Variants in PATL2 observed in about 807,000 individuals in gnomAD.
The protein encoded by PATL2 is PAT1 homolog 2, also known as protein PAT1 homolog 2.
A neutral mutation model predicts 77.0 loss-of-function variants in PATL2; 73 were observed. That is an observed-to-expected ratio of 0.95 (90% CI 0.78 to 1.15). The LOEUF (loss-of-function observed/expected upper bound fraction) is 1.15, where lower values mean the gene tolerates loss of function less well. Among genes scored for constraint, PATL2 ranks in the 50% most tolerant of loss-of-function variants. The pLI, the probability that PATL2 is intolerant of heterozygous loss-of-function variation, is 0.00. For missense variants in PATL2, 618 were observed against 655.4 expected (o/e 0.94, Z 0.62); for synonymous variants, 265 against 257.1 (o/e 1.03, Z -0.29).
At chr15:44,681,846 A>G (rs990324858) in intron 3 of PATL2, among the ~76,000 whole-genome samples, 1 of 152,202 alleles carries the variant, frequency 6.6e-6, no homozygotes. Flanking sequence ...GCCCCTTTAC[A>G]ATCTGGCCCT....
chr15:44,711,332 C>G (rs1023740103), upstream of PATL2: 19 of 644,296 alleles, frequency 2.9e-5, no homozygotes, highest in Non-Finnish European at 5.3e-5. Flanking sequence ...GCAAACTCAC[C>G]CAGTCTAGTG....
intron 3 of PATL2, among the ~76,000 whole-genome samples, chr15:44,694,481 C>A (rs1276146749): frequency 6.6e-6 from 1 of 152,038 alleles, no homozygotes; most frequent in Non-Finnish European, 1.5e-5. Flanking sequence ...AGCTGTTTTC[C>A]TTTCTCTTTC....
chr15:44,688,245 CAA>C (rs201815058), intron 3 of PATL2, among the ~76,000 whole-genome samples: 2 of 55,232 alleles, frequency 3.6e-5, no homozygotes, highest in African/African-American at 6.7e-5. Flanking sequence ...GACTCTGTCT[CAA>C]AAAAAAAAAA....
At chr15:44,702,385 C>A (rs1289383505) in intron 3 of PATL2, among the ~76,000 whole-genome samples, 2 of 148,220 alleles carry the variant, frequency 1.3e-5, no homozygotes, top group Non-Finnish European at 3.0e-5. Context: ...TCCTTTTTTT[C>A]TTAGCGAGTC....
chr15:44,707,841 A>C (rs1327879653), intron 3 of PATL2, among the ~76,000 whole-genome samples: 1 of 152,120 alleles, frequency 6.6e-6, no homozygotes, highest in Non-Finnish European at 1.5e-5. Flanking sequence ...ACTGCCTTTC[A>C]AGTTTATGTA....
At chr15:44,695,038 A>T (rs2086474074) in intron 3 of PATL2, among the ~76,000 whole-genome samples, 1 of 152,132 alleles carries the variant, frequency 6.6e-6, no homozygotes, top group Non-Finnish European at 1.5e-5. Context: ...ATACAAAAAA[A>T]TTAGCTGGGC....
At position 44,666,761 on chromosome 15, in the gene PATL2, C is replaced by T. The variant is rs963355972; in HGVS notation, c.1464-220G>A. On this transcript the variant is annotated intron_variant, in intron 16 of 17. Coordinates refer to ENST00000682850, the MANE Select transcript of PATL2 (RefSeq NM_001387263.1). ...CTTAAGAACTATGAGGGGTTAATAC[C>T]ATCATCCCTAGTTTGTAGATAAAGA... 1.1e-5 allele frequency: 6 copies of T among 540,460 alleles called. No individual in the cohort carries two copies. In the African/African-American group the frequency reaches 1.2e-4, roughly 10 times the overall value. 33.5% of individuals were successfully genotyped at this position (540,460 alleles called of 1,614,324 possible).
chr15:44,675,397 G>T (rs1342193950), intron 5 of PATL2, 89 bp downstream of exon 5: 46 of 1,390,406 alleles, frequency 3.3e-5, no homozygotes, highest in Non-Finnish European at 4.3e-5. Context: ...TTAGAAAAGG[G>T]TAGAAAAGAG....
At chr15:44,693,309 A>G (rs2086431900) in intron 3 of PATL2, among the ~76,000 whole-genome samples, 1 of 152,218 alleles carries the variant, frequency 6.6e-6, no homozygotes, top group South Asian at 2.1e-4. Context: ...TCAAGGTGGC[A>G]GCCGAGAAGC....
chr15:44,687,699 T>A (rs756945536), intron 3 of PATL2, among the ~76,000 whole-genome samples: 8 of 152,162 alleles, frequency 5.3e-5, no homozygotes, highest in Non-Finnish European at 7.3e-5. Context: ...GATAAGCAAT[T>A]TCAGCAGTCT....
At chr15:44,669,625 C>T (rs2085563944) in intron 11 of PATL2, 62 bp from the exon 12 acceptor site, 11 of 1,527,008 alleles carry the variant, frequency 7.2e-6, no homozygotes, top group Non-Finnish European at 9.7e-6. Flanking sequence ...TAGCCCAGGC[C>T]CCCAACTAGC....
chr15:44,691,513 C>G (rs1169067673), intron 3 of PATL2, among the ~76,000 whole-genome samples: 1 of 151,974 alleles, frequency 6.6e-6, no homozygotes, highest in African/African-American at 2.4e-5. Flanking sequence ...CAACAGTTAT[C>G]TGAGTGTGGT....
At chr15:44,697,735 G>GA (rs978666712) in intron 3 of PATL2, among the ~76,000 whole-genome samples, 23 of 152,122 alleles carry the variant, frequency 1.5e-4, no homozygotes, top group African/African-American at 5.6e-4. Flanking sequence ...CTAGCGGAAA[G>GA]ATTGAGGCCT....
intron 3 of PATL2, among the ~76,000 whole-genome samples, chr15:44,687,041 C>T (rs927129219): frequency 3.3e-5 from 5 of 152,206 alleles, no homozygotes; most frequent in Non-Finnish European, 7.3e-5. Flanking sequence ...GTAATCCTCC[C>T]TAACTCATTT....
chr15:44,667,034 A>G lies in PATL2; in HGVS notation c.1463+72T>C. 3 of 1,208,524 alleles carry G rather than the reference A, an allele frequency of 2.5e-6. No homozygotes were observed. The South Asian group carries it at 4.0e-5, about 16-fold the overall frequency. 74.9% of individuals were successfully genotyped at this position (1,208,524 alleles called of 1,614,324 possible). On this transcript the variant is annotated intron_variant, in intron 16 of 17. Transcript: ENST00000682850. The stretch of plus-strand genomic sequence containing the variant: ...CTCAGTACTTGAAAATGCCTCAGGA[A>G]ATACTTCACCTGGCTCAGTCTGCAC...
At chr15:44,677,717 G>C (rs780354614) in intron 3 of PATL2, among the ~76,000 whole-genome samples, 1 of 152,158 alleles carries the variant, frequency 6.6e-6, no homozygotes, top group Non-Finnish European at 1.5e-5. Context: ...GGACCCTCTT[G>C]TCATGGTGAT....
intron 15 of PATL2, among the ~76,000 whole-genome samples, chr15:44,667,504 A>G (rs181464148): frequency 1.3e-5 from 2 of 152,350 alleles, no homozygotes; most frequent in Admixed American, 6.5e-5. Flanking sequence ...TGAGGCAGGT[A>G]GTCTGTGGAC....
chr15:44,672,809 G>T (rs1175803134), intron 7 of PATL2, among the ~76,000 whole-genome samples: 1 of 152,144 alleles, frequency 6.6e-6, no homozygotes, highest in Non-Finnish European at 1.5e-5. Context: ...ATCCAGGCTG[G>T]AGTGCAGTGG....
intron 3 of PATL2, among the ~76,000 whole-genome samples, chr15:44,678,175 T>C (rs1423284018): frequency 6.6e-6 from 1 of 152,188 alleles, no homozygotes; most frequent in East Asian, 1.9e-4. Flanking sequence ...TTTGGTAATG[T>C]TATTCAGCTG....
Sources: allele counts gnomAD v4.1 joint callset (sites outside exome capture counted in the v4.1 genomes callset), GRCh38; gene constraint gnomAD v4.1.1; transcripts MANE v1.5; gene names NCBI Gene and HGNC (gene_info 2026-07-23, HGNC 2026-07-21).